VAV2: variants seen among roughly 807,000 people sequenced by gnomAD.
The protein encoded by VAV2 is vav guanine nucleotide exchange factor 2, also known as guanine nucleotide exchange factor VAV2.
VAV2 carries 67 observed loss-of-function variants against 132.5 expected under a neutral mutation model. That is an observed-to-expected ratio of 0.51 (90% CI 0.42 to 0.62). The LOEUF (loss-of-function observed/expected upper bound fraction) is 0.62, where lower values mean the gene tolerates loss of function less well. Among genes scored for constraint, VAV2 ranks in the 20% least tolerant of loss-of-function variants. The probability of loss-of-function intolerance (pLI) is 0.00; values close to 1 mark genes in which losing one functional copy is unlikely to be tolerated. For synonymous variants in VAV2, 492 were observed against 443.5 expected (o/e 1.11, Z -1.37); for missense variants, 938 against 1,153.6 (o/e 0.81, Z 2.71).
At chr9:133,914,768 A>AGG (rs1840007725) in intron 2 of VAV2, among the ~76,000 whole-genome samples, 2 of 56,470 alleles carry the variant, frequency 3.5e-5, no homozygotes, top group African/African-American at 1.7e-4. Flanking sequence ...AGAGGAGGGG[A>AGG]GGAGGGGACG....
chr9:133,951,359 T>A (rs1317910665), intron 1 of VAV2, among the ~76,000 whole-genome samples: 2 of 152,210 alleles, frequency 1.3e-5, no homozygotes, highest in Admixed American at 6.5e-5. Flanking sequence ...GAACAGGGAC[T>A]GTGGGGCTTT....
chr9:133,896,636 T>C (rs1021513827), intron 2 of VAV2, among the ~76,000 whole-genome samples: 3 of 152,360 alleles, frequency 2.0e-5, no homozygotes, highest in East Asian at 1.9e-4. Flanking sequence ...GCTCATTTCA[T>C]TGGATCCGAG....
intron 3 of VAV2, among the ~76,000 whole-genome samples, chr9:133,844,540 G>A (rs1037826577): frequency 6.6e-6 from 1 of 152,240 alleles, no homozygotes; most frequent in Non-Finnish European, 1.5e-5. Context: ...CCCAGTCCCT[G>A]GCACGGCTGC....
At chr9:133,986,319 G>A (rs890260675) in intron 1 of VAV2, among the ~76,000 whole-genome samples, 1 of 152,206 alleles carries the variant, frequency 6.6e-6, no homozygotes, top group African/African-American at 2.4e-5. Flanking sequence ...GTAACCAAAG[G>A]AGGCTGTAAC....
rs771422910 is a variant in VAV2, at chr9:133,939,193, G to A, written c.231C>T (p.Thr77=). Residue 77 remains threonine, a synonymous_variant, in exon 2 of 30, where the codon ACC becomes ACT. Transcript: ENST00000371850. The part of the protein sequence containing the change: ...SQFLCLKNIR[T]FLKVCHDKFG... ...ATTTATCGTGGCAGACTTTCAGGAA[G>A]GTGCGTATGTTCTTCAAACACAGAA... The A allele has an allele frequency of 3.7e-6, 6 of 1,614,116 alleles. 1 individual carries two copies. The highest frequency in any genetic ancestry group is 1.6e-4 in the Middle Eastern group (1 of 6,084).
chr9:133,862,264 C>A (rs926602340), intron 2 of VAV2, among the ~76,000 whole-genome samples: 1 of 152,244 alleles, frequency 6.6e-6, no homozygotes, highest in African/African-American at 2.4e-5. Context: ...GGCTAGCAGG[C>A]CGGAGACAGA....
chr9:133,852,181 G>C (rs115746151), intron 3 of VAV2, among the ~76,000 whole-genome samples: 2,599 of 152,062 alleles, frequency 0.017, 67 homozygotes, highest in African/African-American at 0.057. Flanking sequence ...TAGATGTAGC[G>C]ATGAGGGGAC....
At chr9:133,890,983 A>G (rs556255716) in intron 2 of VAV2, among the ~76,000 whole-genome samples, 2 of 152,236 alleles carry the variant, frequency 1.3e-5, no homozygotes, top group Non-Finnish European at 2.9e-5. Flanking sequence ...AAAATACTTT[A>G]AGGTCTTCTA....
At chr9:133,776,982 G>A (rs756811) in intron 23 of VAV2, among the ~76,000 whole-genome samples, 6,996 of 152,292 alleles carry the variant, frequency 0.046, 240 homozygotes, top group African/African-American at 0.096. Context: ...GTTTTAAATA[G>A]CATAAAGTCT....
chr9:133,894,830 AG>A (rs1270896050), intron 2 of VAV2, among the ~76,000 whole-genome samples: 6 of 152,066 alleles, frequency 3.9e-5, no homozygotes, highest in Non-Finnish European at 1.5e-5. Context: ...GTCCCCCAGC[AG>A]GGCCTGCCAT....
intron 2 of VAV2, among the ~76,000 whole-genome samples, chr9:133,932,456 A>G (rs1840721058): frequency 6.6e-6 from 1 of 152,256 alleles, no homozygotes. Context: ...AAAAAATACC[A>G]GGAAAGCAGC....
intron 1 of VAV2, among the ~76,000 whole-genome samples, chr9:133,959,603 C>T (rs1397602085): frequency 2.0e-5 from 3 of 152,190 alleles, no homozygotes; most frequent in Admixed American, 6.5e-5. Context: ...GGACTGTGCA[C>T]CACGTCCCCT....
chr9:133,860,003 T>A (rs1837535051), intron 3 of VAV2, among the ~76,000 whole-genome samples: 1 of 152,174 alleles, frequency 6.6e-6, no homozygotes, highest in Non-Finnish European at 1.5e-5. Context: ...TAATATTTAA[T>A]TTTAAGAGTC....
Position 133,788,325 on chromosome 9 carries a change from G to A in VAV2, c.1407+29C>T, listed in dbSNP as rs1368650094. On this transcript the variant is annotated intron_variant, in intron 15 of 29. Coordinates refer to ENST00000371850, the MANE Select transcript of VAV2 (RefSeq NM_001134398.2). This position sits in a 1 kb window ranked among gnomAD's most constrained non-coding sequence, Gnocchi z 5.3. ...TCTCCAGGCCACCCCCACGTTCCTGGGTAGCAGGGGGGACCCGGAAGGCCC... is the reference window on the plus strand; with the variant it reads ...TCTCCAGGCCACCCCCACGTTCCTGAGTAGCAGGGGGGACCCGGAAGGCCC... 1 of 1,589,794 alleles carries A rather than the reference G, an allele frequency of 6.3e-7. No individual in the cohort carries two copies. Among genetic ancestry groups the A allele is most frequent in the Non-Finnish European group, 8.6e-7 (1 of 1,159,818 alleles).
intron 2 of VAV2, among the ~76,000 whole-genome samples, chr9:133,910,761 T>G (rs889794461): frequency 2.0e-5 from 3 of 148,706 alleles, no homozygotes; most frequent in Admixed American, 6.7e-5. Flanking sequence ...GAGGTGGAGC[T>G]TGCAGTGAGC....
chr9:133,897,346 C>T (rs941775494), intron 2 of VAV2, among the ~76,000 whole-genome samples: 2 of 152,276 alleles, frequency 1.3e-5, no homozygotes, highest in Admixed American at 1.3e-4. Context: ...ACAGGGCACA[C>T]CCAGGTAGGG....
intron 1 of VAV2, among the ~76,000 whole-genome samples, chr9:133,945,839 C>G (rs776846117): frequency 1.6e-4 from 24 of 152,232 alleles, no homozygotes; most frequent in Non-Finnish European, 3.5e-4. Flanking sequence ...TGCACACAAC[C>G]ACATTCCAGT....
intron 23 of VAV2, among the ~76,000 whole-genome samples, chr9:133,776,521 C>A (rs185508745): frequency 5.3e-5 from 8 of 152,284 alleles, no homozygotes; most frequent in African/African-American, 1.9e-4. Context: ...TACAGCCCCC[C>A]ACCCTGGCCT....
chr9:133,880,107 A>G (rs1251458687), intron 2 of VAV2, among the ~76,000 whole-genome samples: 1 of 152,136 alleles, frequency 6.6e-6, no homozygotes, highest in Non-Finnish European at 1.5e-5. Flanking sequence ...CCAAGGAAGG[A>G]CCCACCTGGA....
Sources: allele counts gnomAD v4.1 joint callset (sites outside exome capture counted in the v4.1 genomes callset), GRCh38; gene constraint gnomAD v4.1.1; non-coding constraint Gnocchi (gnomAD v3.1); transcripts MANE v1.5; gene names NCBI Gene and HGNC (gene_info 2026-07-23, HGNC 2026-07-21).